Variants in CATSPERB observed in about 807,000 individuals in gnomAD.
The protein encoded by CATSPERB is cation channel sperm-associated auxiliary subunit beta.
A neutral mutation model predicts 128.3 loss-of-function variants in CATSPERB; 93 were observed. The ratio of observed to expected loss-of-function variants is 0.72; its 90% CI spans 0.61 to 0.86. The LOEUF (loss-of-function observed/expected upper bound fraction) is 0.86, where lower values mean the gene tolerates loss of function less well. CATSPERB is among the 40% of genes least tolerant of loss of function. The pLI is 0.00. For synonymous variants in CATSPERB, 381 were observed against 448.8 expected (o/e 0.85, Z 1.91); for missense variants, 1,153 against 1,329.5 (o/e 0.87, Z 2.06).
chr14:91,642,938 GA>G (rs1317988422), intron 15 of CATSPERB, among the ~76,000 whole-genome samples: 3 of 128,234 alleles, frequency 2.3e-5, no homozygotes, highest in Non-Finnish European at 4.9e-5. Flanking sequence ...TTAGTCTTGG[GA>G]GAGTGTATGT....
At chr14:91,717,401 G>A (rs946320125) in intron 5 of CATSPERB, among the ~76,000 whole-genome samples, 9 of 152,208 alleles carry the variant, frequency 5.9e-5, no homozygotes, top group Non-Finnish European at 1.3e-4. Context: ...ATTATGTAGT[G>A]TAAATCAAGG....
Position 91,580,815 on chromosome 14 carries a change from A to G in CATSPERB, c.*74T>C, listed in dbSNP as rs565636235. The G allele has an allele frequency of 1.7e-6, 2 of 1,156,082 alleles. No individual in the cohort carries two copies. Among genetic ancestry groups the G allele is most frequent in the South Asian group, 2.8e-5 (2 of 70,664 alleles). 71.6% of individuals were successfully genotyped at this position (1,156,082 alleles called of 1,614,324 possible). ...AGGATTTTATGTAGCTTGCATATTT[A>G]ACATTTAAATATATTGTTCTAGGAA... On this transcript the variant is annotated 3_prime_UTR_variant, in exon 27 of 27. Coordinates refer to ENST00000256343, the MANE Select transcript of CATSPERB (RefSeq NM_024764.4).
intron 22 of CATSPERB, chr14:91,605,026 G>C: frequency 8.6e-7 from 1 of 1,160,098 alleles, no homozygotes; most frequent in Non-Finnish European, 1.3e-6. Context: ...ACACAGTTCT[G>C]GTCTTCTGTT....
intron 20 of CATSPERB, among the ~76,000 whole-genome samples, chr14:91,611,520 G>C (rs1566703066): frequency 6.6e-6 from 1 of 152,116 alleles, no homozygotes; most frequent in Non-Finnish European, 1.5e-5. Flanking sequence ...TGAGGCAGGA[G>C]AATTGCTTGA....
chr14:91,649,045 T>C (rs1240258164), intron 15 of CATSPERB, among the ~76,000 whole-genome samples: 1 of 152,136 alleles, frequency 6.6e-6, no homozygotes, highest in East Asian at 1.9e-4. Flanking sequence ...TTGGTTTATT[T>C]GTTAATTATC....
At chr14:91,652,392 C>T (rs1894717600) in intron 15 of CATSPERB, among the ~76,000 whole-genome samples, 1 of 151,814 alleles carries the variant, frequency 6.6e-6, no homozygotes, top group South Asian at 2.1e-4. Flanking sequence ...GGCACAGTGG[C>T]TCATGCCTGT....
At chr14:91,647,339 C>T (rs1050104523) in intron 15 of CATSPERB, among the ~76,000 whole-genome samples, 3 of 152,140 alleles carry the variant, frequency 2.0e-5, no homozygotes, top group South Asian at 4.1e-4. Context: ...ATTCTCACTA[C>T]CTGGGTAGAC....
In CATSPERB at chr14:91,624,990, T is replaced by C; in HGVS notation, c.1760A>G (p.Tyr587Cys). The C allele has an allele frequency of 6.3e-7, 1 of 1,581,846 alleles. No individual in the cohort carries two copies. Among genetic ancestry groups the C allele is most frequent in the Non-Finnish European group, 8.5e-7 (1 of 1,169,998 alleles). ...VIHSGKTGRA[Y>C]IRKVLQHTTP... ...CGTATGTTGCAATACCTTTCTTATG[T>C]AAGCTCTTCCAGTTTTCCTAAAAAC... Residue 587 changes from tyrosine (Y) to cysteine (C), a missense_variant, in exon 18 of 27, where the codon TAC becomes TGC. Physicochemically the swap from Tyr to Cys is radical, Grantham distance 194. Coordinates refer to ENST00000256343, the MANE Select transcript of CATSPERB (RefSeq NM_024764.4).
At chr14:91,708,894 T>A (rs1566737355) in intron 5 of CATSPERB, among the ~76,000 whole-genome samples, 1 of 152,174 alleles carries the variant, frequency 6.6e-6, no homozygotes, top group Non-Finnish European at 1.5e-5. Flanking sequence ...CATAAATAAG[T>A]TAAAAGTAAA....
At chr14:91,628,415 G>T (rs1743134) in intron 17 of CATSPERB, among the ~76,000 whole-genome samples, 139,135 of 152,244 alleles carry the variant, frequency 0.91, 63,604 homozygotes, top group East Asian at 0.97. Flanking sequence ...GGTAACTATA[G>T]CAAAAAATGT....
At chr14:91,653,027 A>T (rs1476434042) in intron 15 of CATSPERB, among the ~76,000 whole-genome samples, 1 of 152,216 alleles carries the variant, frequency 6.6e-6, no homozygotes, top group Non-Finnish European at 1.5e-5. Flanking sequence ...GGACCAATAG[A>T]GGAGATTGTA....
intron 7 of CATSPERB, 104 bp from the exon 8 acceptor site, chr14:91,693,583 G>T: frequency 1.4e-6 from 1 of 726,878 alleles, no homozygotes; most frequent in South Asian, 1.7e-5. Context: ...TCAGCACTAT[G>T]ACTCTCACTT....
intron 5 of CATSPERB, among the ~76,000 whole-genome samples, chr14:91,712,462 T>C (rs901859108): frequency 3.3e-5 from 5 of 152,188 alleles, no homozygotes; most frequent in African/African-American, 1.2e-4. Flanking sequence ...ATGGTAGTCA[T>C]AGCGGTGGTG....
intron 22 of CATSPERB, among the ~76,000 whole-genome samples, chr14:91,598,644 G>A (rs989155476): frequency 6.6e-6 from 1 of 152,012 alleles, no homozygotes; most frequent in Non-Finnish European, 1.5e-5. Context: ...GGATCACAAG[G>A]TCAGGAGATC....
rs1403176255 is a variant in CATSPERB, at chr14:91,655,822, T to C, written c.1432+4015A>G. On this transcript the variant is annotated intron_variant, in intron 15 of 26. Coordinates refer to ENST00000256343, the MANE Select transcript of CATSPERB (RefSeq NM_024764.4). The stretch of plus-strand genomic sequence containing the variant: ...AACTTCCCAAACTTAGAGAAAGATA[T>C]CAATATCCAAGCACAAGAAGGTAAC... Among the ~76,000 whole-genome samples, 3 of 151,854 alleles carry C rather than the reference T, an allele frequency of 2.0e-5. 1 individual carries two copies. The highest frequency in any genetic ancestry group is 7.3e-5 in the African/African-American group (3 of 41,340).
At chr14:91,697,953 G>C (rs1481182670) in intron 7 of CATSPERB, among the ~76,000 whole-genome samples, 2 of 152,134 alleles carry the variant, frequency 1.3e-5, no homozygotes, top group East Asian at 3.9e-4. Flanking sequence ...TATTGAATCT[G>C]TAGATTGCTT....
chr14:91,608,227 T>C (rs1358503550), intron 22 of CATSPERB, 67 bp downstream of exon 22: 13 of 980,718 alleles, frequency 1.3e-5, no homozygotes, highest in Non-Finnish European at 2.1e-5. Context: ...TAGCTATATA[T>C]ATAATTTTAC....
chr14:91,612,012 T>TTTTCTTTCTTTCTTTCTTTCTTTCTTTC (rs71120177), intron 20 of CATSPERB, among the ~76,000 whole-genome samples: 3 of 133,030 alleles, frequency 2.3e-5, no homozygotes, highest in East Asian at 2.2e-4. Flanking sequence ...TTGTTTACTG[T>TTTTCTTTCTTTCTTTCTTTCTTTCTTTC]TTTCTTTCTT....
At chr14:91,588,912 G>A in intron 24 of CATSPERB, among the ~76,000 whole-genome samples, 1 of 152,146 alleles carries the variant, frequency 6.6e-6, no homozygotes, top group Non-Finnish European at 1.5e-5. Context: ...AATACCAAGT[G>A]CCTGGATATT....
Sources: allele counts gnomAD v4.1 joint callset (sites outside exome capture counted in the v4.1 genomes callset), GRCh38; gene constraint gnomAD v4.1.1; transcripts MANE v1.5; gene names NCBI Gene and HGNC (gene_info 2026-07-23, HGNC 2026-07-21).